Variants in DGKB observed in about 807,000 individuals in gnomAD.
The protein encoded by DGKB is 90 kDa diacylglycerol kinase.
A neutral mutation model predicts 114.3 loss-of-function variants in DGKB; 67 were observed. The observed-to-expected ratio is 0.59, with a 90% CI of 0.48 to 0.72. The LOEUF (loss-of-function observed/expected upper bound fraction) is 0.72. DGKB is among the 30% of genes least tolerant of loss of function. The pLI is 0.00. For synonymous variants in DGKB, 398 were observed against 323.1 expected, an observed-to-expected ratio of 1.23 and a Z score of -2.49; for missense variants, 907 against 975.2, an observed-to-expected ratio of 0.93 and a Z score of 0.93.
intron 20 of DGKB, among the ~76,000 whole-genome samples, chr7:14,559,198 T>G (rs1236227020): frequency 6.6e-6 from 1 of 152,238 alleles, no homozygotes; most frequent in East Asian, 1.9e-4. Flanking sequence ...TATCTCTAAA[T>G]TTCTGTAGTA....
At chr7:14,328,414 A>G (rs1189728473) in intron 23 of DGKB, among the ~76,000 whole-genome samples, 1 of 152,094 alleles carries the variant, frequency 6.6e-6, no homozygotes, top group Non-Finnish European at 1.5e-5. Flanking sequence ...TAATTTCAGT[A>G]TTAATAGTTA....
intron 15 of DGKB, among the ~76,000 whole-genome samples, chr7:14,620,638 C>A (rs1807446931): frequency 6.6e-6 from 1 of 151,550 alleles, no homozygotes; most frequent in Non-Finnish European, 1.5e-5. Context: ...TACTTAAATC[C>A]ACAATTTCAT....
intron 21 of DGKB, among the ~76,000 whole-genome samples, chr7:14,391,755 C>T (rs997093533): frequency 2.0e-5 from 3 of 152,134 alleles, no homozygotes; most frequent in African/African-American, 4.8e-5. Flanking sequence ...GATATATTGA[C>T]ACTTGATTTT....
In DGKB at chr7:14,370,503, A is replaced by C. The variant is rs149943028; in HGVS notation, c.1836-25112T>G. ...TGATGGAGATAACACTGAATCTATA[A>C]ATTACTTTGGGCAGTATGGCCATTT... On this transcript the variant is annotated intron_variant, in intron 21 of 25. Coordinates refer to ENST00000402815, the MANE Select transcript of DGKB (RefSeq NM_001350709.2). 2.4e-3 allele frequency among the ~76,000 whole-genome samples: 366 copies of C among 152,186 alleles called. 2 individuals carry two copies. Among genetic ancestry groups the C allele is most frequent in the African/African-American group, 8.3e-3 (343 of 41,528 alleles).
chr7:14,609,568 T>C (rs1805138810), intron 16 of DGKB, among the ~76,000 whole-genome samples: 1 of 151,872 alleles, frequency 6.6e-6, no homozygotes, highest in Non-Finnish European at 1.5e-5. Context: ...AAAGAAACCA[T>C]CAACAGAGTA....
At chr7:14,635,265 A>G (rs184053333) in intron 13 of DGKB, among the ~76,000 whole-genome samples, 15 of 89,036 alleles carry the variant, frequency 1.7e-4, no homozygotes, top group African/African-American at 8.3e-4. Flanking sequence ...GTTTATGTCT[A>G]TTTGTAGAGT....
chr7:14,862,076 G>A (rs1437513538), intron 1 of DGKB, among the ~76,000 whole-genome samples: 1 of 151,878 alleles, frequency 6.6e-6, no homozygotes, highest in Non-Finnish European at 1.5e-5. Flanking sequence ...AAACGATACT[G>A]TGATTTTAAA....
intron 20 of DGKB, among the ~76,000 whole-genome samples, chr7:14,568,255 T>C (rs1797890218): frequency 6.6e-6 from 1 of 152,164 alleles, no homozygotes; most frequent in South Asian, 2.1e-4. Context: ...TGTGGAAGAA[T>C]ATCTATTTTT....
chr7:14,537,435 G>A (rs1203549674), intron 20 of DGKB, among the ~76,000 whole-genome samples: 1 of 152,124 alleles, frequency 6.6e-6, no homozygotes, highest in African/African-American at 2.4e-5. Context: ...CATAAAGACA[G>A]ATCTATAGAG....
intron 9 of DGKB, among the ~76,000 whole-genome samples, chr7:14,689,690 A>T (rs1822472138): frequency 6.6e-6 from 1 of 152,178 alleles, no homozygotes; most frequent in Non-Finnish European, 1.5e-5. Flanking sequence ...AATCTCAAGA[A>T]TTTTTGCATT....
chr7:14,170,709 TAAAC>T (rs1235509377), intron 25 of DGKB, among the ~76,000 whole-genome samples: 2 of 152,188 alleles, frequency 1.3e-5, no homozygotes, highest in African/African-American at 2.4e-5. Flanking sequence ...AACAAACACA[TAAAC>T]AAAAAATGTA....
chr7:14,813,015 A>G (rs911247591), intron 2 of DGKB, among the ~76,000 whole-genome samples: 1 of 152,210 alleles, frequency 6.6e-6, no homozygotes, highest in Admixed American at 6.5e-5. Context: ...AAAACAGTGA[A>G]GCAACAAATA....
intron 9 of DGKB, among the ~76,000 whole-genome samples, chr7:14,691,619 T>A (rs1822882282): frequency 6.6e-6 from 1 of 152,208 alleles, no homozygotes; most frequent in African/African-American, 2.4e-5. Context: ...TATTTTGTGA[T>A]CATTACACAT....
chr7:14,270,048 CAAAAA>C (rs397889901), intron 23 of DGKB, among the ~76,000 whole-genome samples: 15 of 52,840 alleles, frequency 2.8e-4, no homozygotes, highest in East Asian at 6.3e-4. Flanking sequence ...GCTTTTTTTG[CAAAAA>C]AAAAAAAAAA....
At chr7:14,774,729 T>C (rs529714532) in intron 2 of DGKB, among the ~76,000 whole-genome samples, 10 of 152,304 alleles carry the variant, frequency 6.6e-5, no homozygotes, top group South Asian at 6.2e-4. Context: ...TTAAGTGAAA[T>C]TGGCAGCAAA....
chr7:14,972,672 A>G (rs767343514), intron 1 of DGKB, among the ~76,000 whole-genome samples: 1 of 30,480 alleles, frequency 3.3e-5, no homozygotes, highest in Non-Finnish European at 5.3e-5. Context: ...AAGATTGTTG[A>G]AAAAAAAAAA....
At chr7:14,704,157 C>G (rs561012324) in intron 6 of DGKB, among the ~76,000 whole-genome samples, 1 of 151,670 alleles carries the variant, frequency 6.6e-6, no homozygotes, top group African/African-American at 2.4e-5. Context: ...GTTTGCCGGC[C>G]GGGCGCGGTG....
chr7:14,627,190 A>T (rs1366353559), intron 14 of DGKB, among the ~76,000 whole-genome samples: 1 of 152,192 alleles, frequency 6.6e-6, no homozygotes, highest in Non-Finnish European at 1.5e-5. Context: ...TTTATTTAAC[A>T]TCCTGTACTT....
intron 21 of DGKB, among the ~76,000 whole-genome samples, chr7:14,464,205 G>A (rs917263943): frequency 1.3e-5 from 2 of 152,038 alleles, no homozygotes; most frequent in African/African-American, 4.8e-5. Flanking sequence ...AGGTTGAAAT[G>A]TAAAACAGCC....
Sources: gnomAD v4.1 joint callset for allele counts (sites outside exome capture counted in the v4.1 genomes callset) on GRCh38, gnomAD v4.1.1 for gene constraint, MANE v1.5 for transcripts, NCBI Gene and HGNC (gene_info 2026-07-23, HGNC 2026-07-21) for gene names.